Variants in BRAF observed in about 807,000 individuals in gnomAD.
BRAF encodes serine/threonine-protein kinase B-raf.
BRAF carries 16 observed loss-of-function variants against 104.6 expected under a neutral mutation model. The ratio of observed to expected loss-of-function variants is 0.15; its 90% CI spans 0.10 to 0.23. The LOEUF is 0.23. Ranked by LOEUF, BRAF falls within the 10% of genes least tolerant of loss-of-function variation. The probability of loss-of-function intolerance (pLI) is 1.00; values close to 1 mark genes in which losing one functional copy is unlikely to be tolerated. For synonymous variants in BRAF, 310 were observed against 341.6 expected, an observed-to-expected ratio of 0.91 and a Z score of 1.02; for missense variants, 541 against 937.3, an observed-to-expected ratio of 0.58 and a Z score of 5.52.
At chr7:140,847,584 A>G (rs1267605) in intron 2 of BRAF, among the ~76,000 whole-genome samples, 150,116 of 150,392 alleles carry the variant, frequency 1, 74,920 homozygotes, top group African/African-American at 1. Context: ...CCATCTCAGG[A>G]GGAAAAAAAA....
intron 5 of BRAF, among the ~76,000 whole-genome samples, chr7:140,805,055 C>T (rs1453802305): frequency 6.6e-6 from 1 of 152,232 alleles, no homozygotes; most frequent in African/African-American, 2.4e-5. Flanking sequence ...CTGCCTGCCT[C>T]GGCCTCTCAA....
At chr7:140,858,427 T>G (rs58801847) in intron 1 of BRAF, among the ~76,000 whole-genome samples, 14,372 of 152,298 alleles carry the variant, frequency 0.094, 2,170 homozygotes, top group African/African-American at 0.32. Flanking sequence ...ATTTTTCTTC[T>G]CTTTGAAAGT....
At chr7:140,917,041 A>C (rs1465906153) in intron 1 of BRAF, among the ~76,000 whole-genome samples, 2 of 152,250 alleles carry the variant, frequency 1.3e-5, no homozygotes. Context: ...AAATTTGATA[A>C]ATGTGAAACA....
rs555735938 is a variant in BRAF at position 140,749,199 on chromosome 7, G to T, written c.2112+88C>A. ...AAAAATCAAGAAATCTATCCTTCAC[G>T]CTTACCCAGGAGTTAACACTTATTT... On this transcript the variant is annotated intron_variant, in intron 17 of 19. Coordinates refer to ENST00000644969, the MANE Select transcript of BRAF (RefSeq NM_001374258.1). 109 of 1,558,000 alleles carry T rather than the reference G, an allele frequency of 7.0e-5. No homozygotes were observed. In the African/African-American group the frequency reaches 1.1e-3, roughly 15 times the overall value.
At chr7:140,845,216 CCCTTA>C (rs1387266308) in intron 2 of BRAF, among the ~76,000 whole-genome samples, 2 of 152,064 alleles carry the variant, frequency 1.3e-5, no homozygotes, top group African/African-American at 4.8e-5. Context: ...CGAAGTTGGA[CCCTTA>C]CCTTACATCA....
intron 14 of BRAF, among the ~76,000 whole-genome samples, chr7:140,763,793 T>A (rs1352085013): frequency 6.6e-6 from 1 of 152,210 alleles, no homozygotes; most frequent in Non-Finnish European, 1.5e-5. Context: ...TCTCAAATTG[T>A]GGCAGTAATC....
intron 14 of BRAF, among the ~76,000 whole-genome samples, chr7:140,767,071 T>C (rs1490590268): frequency 2.6e-5 from 4 of 152,142 alleles, no homozygotes. Flanking sequence ...TGGCGCGATC[T>C]TGACTCTCTG....
At chr7:140,857,347 G>A (rs1171589232) in intron 1 of BRAF, among the ~76,000 whole-genome samples, 1 of 152,162 alleles carries the variant, frequency 6.6e-6, no homozygotes, top group Admixed American at 6.5e-5. Context: ...ATTGTCTCTA[G>A]AGAGAGCAAA....
At chr7:140,742,876 G>GA (rs1043840275) in intron 17 of BRAF, among the ~76,000 whole-genome samples, 1 of 150,730 alleles carries the variant, frequency 6.6e-6, no homozygotes, top group Admixed American at 6.6e-5. Flanking sequence ...AAATTTACAA[G>GA]AAAAAAACAA....
chr7:140,913,350 A>G (rs914875374), intron 1 of BRAF, among the ~76,000 whole-genome samples: 1 of 152,062 alleles, frequency 6.6e-6, no homozygotes, highest in Non-Finnish European at 1.5e-5. Context: ...ACTACCTGGC[A>G]TATAGTAGGC....
chr7:140,770,648 A>G (rs1799749562), intron 14 of BRAF, among the ~76,000 whole-genome samples: 1 of 152,096 alleles, frequency 6.6e-6, no homozygotes, highest in Non-Finnish European at 1.5e-5. Context: ...AAAAGATGAT[A>G]AAACAGGCCA....
intron 3 of BRAF, among the ~76,000 whole-genome samples, chr7:140,821,181 G>A (rs566714962): frequency 2.0e-4 from 31 of 152,014 alleles, no homozygotes; most frequent in African/African-American, 7.0e-4. Flanking sequence ...ACAGGGTCTG[G>A]TTACATTGCC....
chr7:140,807,613 T>C (rs572001779), intron 5 of BRAF, among the ~76,000 whole-genome samples: 8 of 152,246 alleles, frequency 5.3e-5, no homozygotes, highest in African/African-American at 1.9e-4. Context: ...CACACGTTTG[T>C]GTACACAGAA....
intron 1 of BRAF, among the ~76,000 whole-genome samples, chr7:140,923,177 T>A (rs1818408880): frequency 6.7e-6 from 1 of 148,900 alleles, no homozygotes; most frequent in African/African-American, 2.6e-5. Flanking sequence ...TTGGATGAAT[T>A]TCCAAAGATG....
At chr7:140,735,127 C>T (rs2130873560) in intron 18 of BRAF, among the ~76,000 whole-genome samples, 1 of 152,026 alleles carries the variant, frequency 6.6e-6, no homozygotes, top group East Asian at 1.9e-4. Flanking sequence ...TGTTATAGAC[C>T]ACAAGTCTCT....
intron 5 of BRAF, among the ~76,000 whole-genome samples, chr7:140,801,989 A>G (rs1005188604): frequency 1.3e-5 from 2 of 152,232 alleles, no homozygotes; most frequent in Non-Finnish European, 2.9e-5. Context: ...AAGGCACCCA[A>G]TAGAAGAACC....
At chr7:140,763,123 T>C (rs993397202) in intron 14 of BRAF, among the ~76,000 whole-genome samples, 21 of 152,182 alleles carry the variant, frequency 1.4e-4, no homozygotes, top group Admixed American at 2.6e-4. Context: ...AGCTGTTGGG[T>C]ACACCTCCCA....
At chr7:140,844,612 A>G (rs770420158) in intron 2 of BRAF, among the ~76,000 whole-genome samples, 23 of 152,328 alleles carry the variant, frequency 1.5e-4, no homozygotes, top group Non-Finnish European at 2.8e-4. Context: ...TACTTGTAGA[A>G]AGAGAAACAT....
At chr7:140,851,898 G>A (rs181513875) in intron 1 of BRAF, among the ~76,000 whole-genome samples, 3 of 152,250 alleles carry the variant, frequency 2.0e-5, no homozygotes, top group Admixed American at 2.0e-4. Flanking sequence ...CTATTGAGTT[G>A]TTTGTTTTTT....
Sources: gnomAD v4.1 joint callset for allele counts (sites outside exome capture counted in the v4.1 genomes callset) on GRCh38, gnomAD v4.1.1 for gene constraint, MANE v1.5 for transcripts, NCBI Gene and HGNC (gene_info 2026-07-23, HGNC 2026-07-21) for gene names.